TBL1XR1: variants seen among roughly 807,000 people sequenced by gnomAD.
The protein encoded by TBL1XR1 is F-box-like/WD repeat-containing protein TBL1XR1.
TBL1XR1 carries 5 observed loss-of-function variants against 66.9 expected under a neutral mutation model. The observed-to-expected ratio is 0.07, with a 90% CI of 0.04 to 0.16. The LOEUF (loss-of-function observed/expected upper bound fraction) is 0.16, where lower values mean the gene tolerates loss of function less well. Ranked by LOEUF, TBL1XR1 falls within the 10% of genes least tolerant of loss-of-function variation. The probability of loss-of-function intolerance (pLI) is 1.00; values close to 1 mark genes in which losing one functional copy is unlikely to be tolerated. For missense variants in TBL1XR1, 238 were observed against 623.2 expected (o/e 0.38, Z 6.58); for synonymous variants, 210 against 206.0 (o/e 1.02, Z -0.17).
At chr3:177,087,990 T>C (rs1186353489) in intron 2 of TBL1XR1, among the ~76,000 whole-genome samples, 2 of 152,202 alleles carry the variant, frequency 1.3e-5, no homozygotes, top group Non-Finnish European at 2.9e-5. Context: ...GTGTTAAACA[T>C]CTATCCCTCT....
chr3:177,023,426 T>C lies in TBL1XR1; in HGVS notation c.*2072A>G, dbSNP rs1712649574. ...TTCAAGTGCCAGATACTCAGCATAT[T>C]AGGTTTCCTACGTAAGTCACAGGGT... On this transcript the variant is annotated 3_prime_UTR_variant, in exon 16 of 16. Coordinates refer to ENST00000457928, the MANE Select transcript of TBL1XR1 (RefSeq NM_024665.7). 1 of 152,548 alleles carries C rather than the reference T, an allele frequency of 6.6e-6. No individual in the cohort carries two copies. The allele number at this position is 152,548 out of a possible 1,614,324, so 9.4% of individuals were successfully genotyped here.
intron 1 of TBL1XR1, among the ~76,000 whole-genome samples, chr3:177,150,607 A>G (rs1173603063): frequency 6.6e-6 from 1 of 152,206 alleles, no homozygotes; most frequent in Non-Finnish European, 1.5e-5. Context: ...CATGTCACAT[A>G]GTTTGATGTT....
chr3:177,057,023 T>A (rs983119281), intron 3 of TBL1XR1, among the ~76,000 whole-genome samples: 1 of 152,340 alleles, frequency 6.6e-6, no homozygotes, highest in South Asian at 2.1e-4. Context: ...TTGGCCTTCA[T>A]AACAAAGGTC....
rs1021666749 is a variant in TBL1XR1, at chr3:177,139,687, G to C, written c.-121-41146C>G. Among the ~76,000 whole-genome samples, 46 of 143,194 alleles carry C rather than the reference G, an allele frequency of 3.2e-4. 1 individual carries two copies. The highest frequency in any genetic ancestry group is 1.1e-3 in the African/African-American group (43 of 38,768). 93.9% of individuals were successfully genotyped at this position (143,194 alleles called of 152,430 possible). A position where few individuals can be genotyped will look rare whatever the true frequency, so the allele number is the denominator to read the frequency against. On this transcript the variant is annotated intron_variant, in intron 1 of 15. Transcript: ENST00000457928. ...ATATAGTTAAAAAAAAAAAGAAAAA[G>C]AAAATTTGACAATCTAGAGAGTCCA...
At chr3:177,037,910 T>C (rs762687582) in intron 12 of TBL1XR1, 188 bp downstream of exon 12, 10 of 543,238 alleles carry the variant, frequency 1.8e-5, no homozygotes, top group Non-Finnish European at 3.3e-5. Context: ...TACATTCAAA[T>C]AGTTTTATGT....
At chr3:177,184,565 G>A (rs1321139067) in intron 1 of TBL1XR1, among the ~76,000 whole-genome samples, 2 of 152,200 alleles carry the variant, frequency 1.3e-5, no homozygotes, top group East Asian at 3.8e-4. Context: ...ACTTTGGGAG[G>A]CAGAGGCCAG....
intron 2 of TBL1XR1, among the ~76,000 whole-genome samples, chr3:177,075,963 G>A (rs890434801): frequency 5.9e-5 from 9 of 151,838 alleles, no homozygotes; most frequent in Non-Finnish European, 1.2e-4. Context: ...TGGGGCTACC[G>A]GAAAAAAAAC....
chr3:177,117,704 A>G (rs1363049131), intron 1 of TBL1XR1, among the ~76,000 whole-genome samples: 1 of 152,214 alleles, frequency 6.6e-6, no homozygotes, highest in Non-Finnish European at 1.5e-5. Flanking sequence ...CCACTAGTAC[A>G]GTGACTAATC....
chr3:177,179,888 A>G (rs978068481), intron 1 of TBL1XR1, among the ~76,000 whole-genome samples: 11 of 152,208 alleles, frequency 7.2e-5, no homozygotes. Context: ...TAGATTCACC[A>G]GCATATCTGA....
chr3:177,131,662 C>T (rs1000619354), intron 1 of TBL1XR1, among the ~76,000 whole-genome samples: 6 of 151,824 alleles, frequency 4.0e-5, no homozygotes, highest in Non-Finnish European at 7.4e-5. Context: ...CCACCATGCC[C>T]GGCTAATTTT....
In TBL1XR1 at chr3:177,047,538, T is replaced by G. The variant is rs750132632; in HGVS notation, c.714A>C (p.Thr238=). ...VTSLDWNSEG[T]LLATGSYDGF... is the part of the protein sequence containing the mutation. ...CATCATAGGAACCAGTTGCTAGAAG[T>G]GTACCTTCACTCTGCCAGAGAAAAA... The change falls in exon 8 of 16, where the codon ACA becomes ACC. Residue 238 remains threonine (T), a synonymous_variant. Coordinates refer to ENST00000457928, the MANE Select transcript of TBL1XR1 (RefSeq NM_024665.7). 5 of 1,612,764 alleles carry G rather than the reference T, an allele frequency of 3.1e-6. No homozygotes were observed. The highest frequency in any genetic ancestry group is 4.2e-6 in the Non-Finnish European group (5 of 1,179,282).
At chr3:177,172,261 C>A (rs374676481) in intron 1 of TBL1XR1, among the ~76,000 whole-genome samples, 86 of 100,278 alleles carry the variant, frequency 8.6e-4, no homozygotes, top group South Asian at 1.4e-3. Flanking sequence ...ACTCCCACCT[C>A]AAAAAAAAAA....
intron 2 of TBL1XR1, among the ~76,000 whole-genome samples, chr3:177,087,996 C>T (rs1281077791): frequency 1.3e-5 from 2 of 152,000 alleles, no homozygotes; most frequent in Non-Finnish European, 2.9e-5. Context: ...AACATCTATC[C>T]CTCTATTGTG....
chr3:177,145,666 T>A (rs1730158228), intron 1 of TBL1XR1, among the ~76,000 whole-genome samples: 2 of 152,200 alleles, frequency 1.3e-5, no homozygotes, highest in Admixed American at 6.5e-5. Flanking sequence ...AGCTAACTCT[T>A]AAATCTCTAA....
Position 177,051,598 on chromosome 3 carries a change from A to G in TBL1XR1, c.333T>C (p.Ala111=), listed in dbSNP as rs762576223. 5 of 1,612,374 alleles carry G rather than the reference A, an allele frequency of 3.1e-6. No individual in the cohort carries two copies. Among genetic ancestry groups the G allele is most frequent in the South Asian group, 1.1e-5 (1 of 91,022 alleles). The change falls in exon 5 of 16, where the codon GCT becomes GCC. Residue 111 remains alanine (A), a synonymous_variant. Coordinates refer to ENST00000457928, the MANE Select transcript of TBL1XR1 (RefSeq NM_024665.7). ...DKLAQQQAAA[A]AAAAAAASQQ... is the part of the protein sequence containing the mutation. Reference sequence around the variant, plus strand: ...GGCTGGCTGCAGCTGCGGCAGCTGCAGCAGCTGCTGCCTGTTGCTGTGCAA... The same window carrying G: ...GGCTGGCTGCAGCTGCGGCAGCTGCGGCAGCTGCTGCCTGTTGCTGTGCAA...
chr3:177,115,048 G>A (rs1200690717), intron 1 of TBL1XR1, among the ~76,000 whole-genome samples: 1 of 151,936 alleles, frequency 6.6e-6, no homozygotes, highest in Non-Finnish European at 1.5e-5. Context: ...GGAGGAGTGA[G>A]GCGGTCTACA....
intron 1 of TBL1XR1, among the ~76,000 whole-genome samples, chr3:177,173,163 G>A (rs1490114865): frequency 6.6e-6 from 1 of 152,080 alleles, no homozygotes; most frequent in Non-Finnish European, 1.5e-5. Context: ...CTCCAGCCTG[G>A]GAAACAAGAG....
At chr3:177,178,616 G>C (rs557881113) in intron 1 of TBL1XR1, among the ~76,000 whole-genome samples, 11 of 152,170 alleles carry the variant, frequency 7.2e-5, no homozygotes, top group Non-Finnish European at 1.5e-4. Context: ...GGATGCCCAG[G>C]CAGGCGGATC....
chr3:177,158,224 CTTTTCT>C (rs145906605), intron 1 of TBL1XR1, among the ~76,000 whole-genome samples: 65,440 of 139,428 alleles, frequency 0.47, 16,092 homozygotes, highest in Non-Finnish European at 0.56. Flanking sequence ...GGATTTGTTT[CTTTTCT>C]TTTTTTTTTT....
Sources: gnomAD v4.1 joint callset for allele counts (sites outside exome capture counted in the v4.1 genomes callset) on GRCh38, gnomAD v4.1.1 for gene constraint, MANE v1.5 for transcripts, NCBI Gene and HGNC (gene_info 2026-07-23, HGNC 2026-07-21) for gene names.